Variants in CELF4 observed in about 807,000 individuals in gnomAD.
CELF4 encodes the protein CUG-BP- and ETR-3-like factor 4.
CELF4 carries 18 observed loss-of-function variants against 59.9 expected under a neutral mutation model. The observed-to-expected ratio is 0.30, with a 90% confidence interval of 0.21 to 0.45. CELF4 has a LOEUF of 0.45. Among genes scored for constraint, CELF4 ranks in the 20% least tolerant of loss-of-function variants. CELF4 has a pLI of 1.00. For missense variants in CELF4, 456 were observed against 689.0 expected (o/e 0.66, Z 3.79); for synonymous variants, 261 against 267.1 (o/e 0.98, Z 0.22).
chr18:37,287,844 C>T (rs996700667), intron 3 of CELF4, among the ~76,000 whole-genome samples: 1 of 152,118 alleles, frequency 6.6e-6, no homozygotes, highest in Non-Finnish European at 1.5e-5. Flanking sequence ...TAGATAGATA[C>T]ACAGATGAAA....
intron 2 of CELF4, among the ~76,000 whole-genome samples, chr18:37,395,134 C>G (rs1030864642): frequency 2.0e-5 from 3 of 152,142 alleles, no homozygotes; most frequent in African/African-American, 7.2e-5. Context: ...ACCATGTCAC[C>G]TCGTCTATGC....
intron 2 of CELF4, among the ~76,000 whole-genome samples, chr18:37,356,861 C>T (rs2098596493): frequency 6.6e-6 from 1 of 152,162 alleles, no homozygotes; most frequent in Admixed American, 6.5e-5. Context: ...GCACTCGGCA[C>T]CTTGCTTAGC....
chr18:37,488,125 A>G (rs2099885385), intron 1 of CELF4, among the ~76,000 whole-genome samples: 2 of 152,086 alleles, frequency 1.3e-5, no homozygotes, highest in African/African-American at 4.8e-5. Flanking sequence ...TGCTATCAGC[A>G]TGGTGTGCTC....
At chr18:37,353,021 A>G (rs981696021) in intron 2 of CELF4, among the ~76,000 whole-genome samples, 1 of 152,052 alleles carries the variant, frequency 6.6e-6, no homozygotes, top group Non-Finnish European at 1.5e-5. Flanking sequence ...GGAGATCGAG[A>G]CCATCCTGGC....
Position 37,453,770 on chromosome 18 carries a change from A to C in CELF4, c.369+31755T>G, listed in dbSNP as rs1410622446. ...TGCAGACTGCAGTCACTGGATGGCC[A>C]GCAGCCTGGGAACAGGGGTAGTCTG... On this transcript the variant is annotated intron_variant, in intron 2 of 12. Coordinates refer to ENST00000420428, the MANE Select transcript of CELF4 (RefSeq NM_020180.4). Among the ~76,000 whole-genome samples, 3 of 152,208 alleles carry C rather than the reference A, an allele frequency of 2.0e-5. No individual in the cohort carries two copies. In the East Asian group the frequency reaches 5.8e-4, roughly 29 times the overall value.
intron 2 of CELF4, among the ~76,000 whole-genome samples, chr18:37,380,399 C>G (rs888165681): frequency 4.9e-4 from 74 of 152,212 alleles, no homozygotes; most frequent in Admixed American, 4.8e-3. Context: ...CATGTCTTTG[C>G]CCAATTGCCC....
chr18:37,419,261 G>A (rs1430332458), intron 2 of CELF4, among the ~76,000 whole-genome samples: 1 of 152,198 alleles, frequency 6.6e-6, no homozygotes, highest in Non-Finnish European at 1.5e-5. Context: ...TTTAAGTGGT[G>A]AAACTGCATT....
chr18:37,322,761 T>A (rs2097168853), intron 2 of CELF4, among the ~76,000 whole-genome samples: 1 of 152,236 alleles, frequency 6.6e-6, no homozygotes, highest in African/African-American at 2.4e-5. Flanking sequence ...GATTCTGACC[T>A]GATGTCTTCA....
chr18:37,277,467 G>A (rs1219453591), intron 3 of CELF4, among the ~76,000 whole-genome samples: 1 of 152,220 alleles, frequency 6.6e-6, no homozygotes, highest in Non-Finnish European at 1.5e-5. Context: ...AGAAGGAAGA[G>A]AGAGAGGGAG....
intron 2 of CELF4, among the ~76,000 whole-genome samples, chr18:37,409,884 GAC>G (rs1380661580): frequency 6.6e-6 from 1 of 152,214 alleles, no homozygotes; most frequent in Non-Finnish European, 1.5e-5. Flanking sequence ...GGGCACTGCA[GAC>G]AGAGTTTGCT....
intron 3 of CELF4, among the ~76,000 whole-genome samples, chr18:37,306,528 G>A (rs2096412048): frequency 6.6e-6 from 1 of 152,202 alleles, no homozygotes; most frequent in Non-Finnish European, 1.5e-5. Context: ...TGTGTGAAAG[G>A]AGATTTTCTC....
At chr18:37,300,281 G>A (rs1441312318) in intron 3 of CELF4, among the ~76,000 whole-genome samples, 5 of 151,438 alleles carry the variant, frequency 3.3e-5, no homozygotes, top group Non-Finnish European at 7.4e-5. Context: ...CTGGAGTGCA[G>A]TGGCATGGTC....
chr18:37,346,947 C>A (rs1015624221), intron 2 of CELF4, among the ~76,000 whole-genome samples: 19 of 151,948 alleles, frequency 1.3e-4, no homozygotes, highest in Non-Finnish European at 2.1e-4. Flanking sequence ...AAGGGACTGG[C>A]TGACCTGAGC....
chr18:37,465,515 C>T (rs2099805613), intron 2 of CELF4, among the ~76,000 whole-genome samples: 1 of 152,074 alleles, frequency 6.6e-6, no homozygotes, highest in Non-Finnish European at 1.5e-5. Context: ...CACTGGGCAA[C>T]CCTCAGAGAG....
intron 1 of CELF4, among the ~76,000 whole-genome samples, chr18:37,538,342 T>A (rs2099975266): frequency 6.6e-6 from 1 of 152,204 alleles, no homozygotes; most frequent in Non-Finnish European, 1.5e-5. Context: ...CTTGTTTTGC[T>A]CTCTGAAAGG....
At chr18:37,310,685 C>T (rs917312420) in intron 3 of CELF4, among the ~76,000 whole-genome samples, 3 of 152,214 alleles carry the variant, frequency 2.0e-5, no homozygotes, top group South Asian at 2.1e-4. Context: ...CCTGCCATTC[C>T]CGTGTTTTAT....
chr18:37,261,080 A>C (rs1251658803), intron 10 of CELF4, among the ~76,000 whole-genome samples: 1 of 152,000 alleles, frequency 6.6e-6, no homozygotes, highest in Non-Finnish European at 1.5e-5. Context: ...TCCCTCTCTG[A>C]AAGAACCTCC....
intron 2 of CELF4, among the ~76,000 whole-genome samples, chr18:37,443,062 C>A (rs141461842): frequency 3.9e-5 from 6 of 152,256 alleles, no homozygotes; most frequent in Admixed American, 6.5e-5. Flanking sequence ...GTTTCCAGTG[C>A]GTAGCTTTTG....
At chr18:37,328,606 C>T (rs562727441) in intron 2 of CELF4, among the ~76,000 whole-genome samples, 33 of 152,344 alleles carry the variant, frequency 2.2e-4, no homozygotes, top group African/African-American at 7.9e-4. Flanking sequence ...GCTCTTACCT[C>T]CCCATTCCTG....
Sources: gnomAD v4.1 joint callset for allele counts (sites outside exome capture counted in the v4.1 genomes callset) on GRCh38, gnomAD v4.1.1 for gene constraint, MANE v1.5 for transcripts, NCBI Gene and HGNC (gene_info 2026-07-23, HGNC 2026-07-21) for gene names.